PADI2: variants seen among roughly 807,000 people sequenced by gnomAD.
The protein encoded by PADI2 is protein-arginine deiminase type-2.
Under a neutral mutation model 81.1 loss-of-function variants are expected in PADI2, and 70 were observed. That is an observed-to-expected ratio of 0.86 (90% CI 0.71 to 1.05). The LOEUF is 1.05. Ranked by LOEUF, PADI2 falls within the 50% of genes least tolerant of loss-of-function variation. The pLI is 0.00. For synonymous variants in PADI2, 338 were observed against 358.0 expected (o/e 0.94, Z 0.63); for missense variants, 853 against 889.9 (o/e 0.96, Z 0.53).
intron 9 of PADI2, 193 bp downstream of exon 9, chr1:17,083,533 T>C: frequency 1.8e-6 from 1 of 570,102 alleles, no homozygotes; most frequent in Non-Finnish European, 3.1e-6. Context: ...TGCTTTGCAA[T>C]CTTTTGCTAC....
At position 17,079,407 on chromosome 1, in the gene PADI2, A is replaced by G. The variant is rs2078327600; in HGVS notation, c.1167T>C (p.Asp389=). Residue 389 remains aspartate, a synonymous_variant, in exon 11 of 16, where the codon GAT becomes GAC. Transcript: ENST00000375486. ...GGGGCTCCCGGGTCACGTAGCCAAA[A>G]TCTGGGCCCTAGGCAGAGGGCACAC... ...DFPVKELLGP[D]FGYVTREPLF... is the part of the protein sequence containing the mutation. 1.9e-6 allele frequency: 3 copies of G among 1,613,846 alleles called. No individual in the cohort carries two copies. In the South Asian group the frequency reaches 3.3e-5, roughly 18 times the overall value.
chr1:17,082,876 T>A (rs2078355439), intron 9 of PADI2: 1 of 189,426 alleles, frequency 5.3e-6, no homozygotes, highest in Non-Finnish European at 1.0e-5. Context: ...ATCAGCCCCA[T>A]TTTTTTTTTT....
chr1:17,082,864 A>G, intron 9 of PADI2: 1 of 458,678 alleles, frequency 2.2e-6, no homozygotes, highest in Non-Finnish European at 3.8e-6. Flanking sequence ...TTTCTTACCG[A>G]TATCAGCCCC....
chr1:17,117,225 T>C (rs180799831), intron 1 of PADI2, among the ~76,000 whole-genome samples: 3 of 152,294 alleles, frequency 2.0e-5, no homozygotes, highest in Non-Finnish European at 4.4e-5. Context: ...TGTGCTGAAG[T>C]GTAAAATGTG....
At chr1:17,100,954 C>G (rs994673889) in intron 3 of PADI2, among the ~76,000 whole-genome samples, 2 of 152,064 alleles carry the variant, frequency 1.3e-5, no homozygotes, top group African/African-American at 4.8e-5. Context: ...GACACCGCGC[C>G]TGGCCACAAA....
intron 3 of PADI2, among the ~76,000 whole-genome samples, chr1:17,098,538 C>G (rs997899364): frequency 6.6e-6 from 1 of 152,186 alleles, no homozygotes; most frequent in African/African-American, 2.4e-5. Flanking sequence ...CTTGTCCAGC[C>G]CTTCTTCTCA....
chr1:17,082,562 G>A lies in PADI2; in HGVS notation c.1141C>T (p.Pro381Ser). The A allele has an allele frequency of 6.2e-7, 1 of 1,610,922 alleles. No homozygotes were observed. The highest frequency in any genetic ancestry group is 8.5e-7 in the Non-Finnish European group (1 of 1,177,240). Residue 381 changes from proline to serine, a missense_variant, in exon 10 of 16, where the codon CCT (proline) becomes TCT (serine). Coordinates refer to ENST00000375486, the MANE Select transcript of PADI2 (RefSeq NM_007365.3). ...CATCTTACCAGGAGCTCCTTCACAG[G>A]GAAGTCCTTTAGGTTTCCATCTCGG... Reference protein sequence around the residue: ...SPRDGNLKDFPVKELLGPDFG... With the variant: ...SPRDGNLKDFSVKELLGPDFG...
chr1:17,104,264 T>C (rs937338008), intron 2 of PADI2, among the ~76,000 whole-genome samples: 1 of 148,972 alleles, frequency 6.7e-6, no homozygotes, highest in Non-Finnish European at 1.5e-5. Context: ...CACTCCAGCC[T>C]GGGTGACAGA....
intron 13 of PADI2, among the ~76,000 whole-genome samples, chr1:17,073,416 C>CA (rs55941211): frequency 1.1e-4 from 14 of 127,442 alleles, no homozygotes; most frequent in Admixed American, 1.6e-4. Context: ...GACTGTGTCT[C>CA]AAAAAAAAAA....
intron 5 of PADI2, among the ~76,000 whole-genome samples, 189 bp downstream of exon 5, chr1:17,093,378 G>A (rs1312461608): frequency 6.6e-6 from 1 of 152,166 alleles, no homozygotes; most frequent in Non-Finnish European, 1.5e-5. Flanking sequence ...ACAGGTGTGA[G>A]CCACCACGCC....
intron 10 of PADI2, among the ~76,000 whole-genome samples, chr1:17,080,338 C>T (rs1472096408): frequency 6.6e-6 from 1 of 152,190 alleles, no homozygotes; most frequent in Non-Finnish European, 1.5e-5. Flanking sequence ...CAGTGAACAG[C>T]AGAAGCCACA....
intron 7 of PADI2, among the ~76,000 whole-genome samples, chr1:17,084,986 G>A (rs1010354078): frequency 1.3e-5 from 2 of 152,210 alleles, no homozygotes; most frequent in African/African-American, 4.8e-5. Context: ...AGAGCCACCC[G>A]TGTGCTTGAC....
rs1930712337 is a variant in PADI2, at chr1:17,091,887, ACATATC to A, written c.655+515_655+520del. On this transcript the variant is annotated intron_variant, in intron 6 of 15. Coordinates refer to ENST00000375486, the MANE Select transcript of PADI2 (RefSeq NM_007365.3). ...AGGGCCTGGCACCAAAGGGCTCAAC[ACATATC>A]CACAGACAGGGTGAGGCAGAGCCGG... 2.0e-5 allele frequency among the ~76,000 whole-genome samples: 3 copies of A among 152,276 alleles called. No individual in the cohort carries two copies. The South Asian group carries it at 6.2e-4, about 32-fold the overall frequency.
intron 1 of PADI2, among the ~76,000 whole-genome samples, chr1:17,108,448 G>T (rs1021854437): frequency 6.6e-6 from 1 of 152,076 alleles, no homozygotes; most frequent in Non-Finnish European, 1.5e-5. Context: ...CTCCCCCTAG[G>T]GCTGGGGCCA....
At chr1:17,105,115 G>A (rs1931322233) in intron 1 of PADI2, 54 bp from the exon 2 acceptor site, 3 of 1,296,936 alleles carry the variant, frequency 2.3e-6, no homozygotes, top group African/African-American at 1.5e-5. Flanking sequence ...GGTGGGATGA[G>A]GGGCTTCAAG....
intron 1 of PADI2, among the ~76,000 whole-genome samples, chr1:17,118,056 G>A (rs1019399288): frequency 2.0e-5 from 3 of 152,188 alleles, no homozygotes; most frequent in African/African-American, 7.2e-5. Flanking sequence ...TGGTATCAGC[G>A]TGGCCAGTGC....
At chr1:17,080,027 GT>G (rs1471965219) in intron 10 of PADI2, among the ~76,000 whole-genome samples, 1 of 152,126 alleles carries the variant, frequency 6.6e-6, no homozygotes, top group African/African-American at 2.4e-5. Flanking sequence ...CTGACCTCAA[GT>G]GATCCACCCA....
In PADI2 at chr1:17,119,290, C is replaced by A; in HGVS notation, c.82G>T (p.Asp28Tyr). The A allele has an allele frequency of 6.5e-7, 1 of 1,546,632 alleles. No individual in the cohort carries two copies. The highest frequency in any genetic ancestry group is 8.7e-7 in the Non-Finnish European group (1 of 1,146,108). Residue 28 changes from aspartate to tyrosine, a missense_variant, in exon 1 of 16, where the codon GAT becomes TAT. Asp to Tyr is a radical substitution (Grantham distance 160, BLOSUM62 -3). Coordinates refer to ENST00000375486, the MANE Select transcript of PADI2 (RefSeq NM_007365.3). This position sits in a 1 kb window ranked among gnomAD's most constrained non-coding sequence, Gnocchi z 4.8. ...GGTGGGCCGGCTCACCTGTAGACATCGGTCCAGAGGTAGGTGCCCAGCACG... is the reference window on the plus strand; with the variant it reads ...GGTGGGCCGGCTCACCTGTAGACATAGGTCCAGAGGTAGGTGCCCAGCACG... ...VYVLGTYLWT[D>Y]VYSAAPAGAQ...
chr1:17,082,443 A>C, intron 10 of PADI2, 102 bp downstream of exon 10: 1 of 756,160 alleles, frequency 1.3e-6, no homozygotes. Flanking sequence ...GGCTCTGGGC[A>C]GCAGATGAAT....
Sources: allele counts gnomAD v4.1 joint callset (sites outside exome capture counted in the v4.1 genomes callset), GRCh38; gene constraint gnomAD v4.1.1; non-coding constraint Gnocchi (gnomAD v3.1); transcripts MANE v1.5; gene names NCBI Gene and HGNC (gene_info 2026-07-23, HGNC 2026-07-21).